SCARA5: variants seen among roughly 807,000 people sequenced by gnomAD.
SCARA5 encodes the protein scavenger receptor class A member 5, also known as scavenger receptor class A, member 5 (putative).
A neutral mutation model predicts 46.3 loss-of-function variants in SCARA5; 45 were observed. The ratio of observed to expected loss-of-function variants is 0.97; its 90% CI spans 0.76 to 1.24. The LOEUF (loss-of-function observed/expected upper bound fraction) is 1.24. Ranked by LOEUF, SCARA5 falls within the 50% of genes most tolerant of loss-of-function variation. The pLI, the probability that SCARA5 is intolerant of heterozygous loss-of-function variation, is 0.00. For synonymous variants in SCARA5, 333 were observed against 306.5 expected (o/e 1.09, Z -0.90); for missense variants, 680 against 689.0 (o/e 0.99, Z 0.15).
chr8:27,984,157 G>A (rs921588935), intron 2 of SCARA5, among the ~76,000 whole-genome samples: 3 of 151,950 alleles, frequency 2.0e-5, no homozygotes, highest in Non-Finnish European at 4.4e-5. Context: ...ACTCCGCAGA[G>A]ATAAGGATCA....
chr8:27,902,379 C>G (rs1411476659), intron 7 of SCARA5, among the ~76,000 whole-genome samples: 1 of 152,178 alleles, frequency 6.6e-6, no homozygotes, highest in Non-Finnish European at 1.5e-5. Context: ...TCTCACCTCC[C>G]TGCACCGTAG....
Position 27,979,555 on chromosome 8 carries a change from CT to C in SCARA5, c.112+7948del, listed in dbSNP as rs1316560887. Among the ~76,000 whole-genome samples, 604 of 140,616 alleles carry C rather than the reference CT, an allele frequency of 4.3e-3. 1 individual carries two copies. Among genetic ancestry groups the C allele is most frequent in the Middle Eastern group, 0.022 (6 of 272 alleles). 92.2% of individuals were successfully genotyped at this position (140,616 alleles called of 152,430 possible). A position where few individuals can be genotyped will look rare whatever the true frequency, so the allele number is the denominator to read the frequency against. ...CTGTTCAACTGCAGAGCCTGCCTGA[CT>C]TTTTTTTTTTTTTTTGAGACGGAGT... is the stretch of plus-strand genomic sequence containing the variant. On this transcript the variant is annotated intron_variant, in intron 2 of 8. Coordinates refer to ENST00000354914, the MANE Select transcript of SCARA5 (RefSeq NM_173833.6).
intron 8 of SCARA5, among the ~76,000 whole-genome samples, chr8:27,872,895 C>T (rs957277602): frequency 2.0e-5 from 3 of 152,128 alleles, no homozygotes; most frequent in Non-Finnish European, 4.4e-5. Flanking sequence ...CATCCAGTCA[C>T]GGGAGGACCA....
chr8:27,891,195 G>GTT (rs1262393826), intron 7 of SCARA5, among the ~76,000 whole-genome samples: 1 of 73,248 alleles, frequency 1.4e-5, no homozygotes. Context: ...ACTACAATAG[G>GTT]TTTGTTTTTT....
intron 3 of SCARA5, among the ~76,000 whole-genome samples, chr8:27,943,461 A>G (rs1236797041): frequency 1.3e-5 from 2 of 152,176 alleles, no homozygotes; most frequent in Non-Finnish European, 2.9e-5. Context: ...TTTATTGCCA[A>G]AGTCATTCTT....
At chr8:27,938,923 A>G (rs1478364916) in intron 3 of SCARA5, among the ~76,000 whole-genome samples, 1 of 152,200 alleles carries the variant, frequency 6.6e-6, no homozygotes, top group African/African-American at 2.4e-5. Context: ...CTTTATGAAG[A>G]AAAAACATGA....
chr8:27,902,227 C>T (rs889927086), intron 7 of SCARA5, among the ~76,000 whole-genome samples: 3 of 152,142 alleles, frequency 2.0e-5, no homozygotes, highest in Admixed American at 2.0e-4. Flanking sequence ...AAGAAAGCCT[C>T]AGTCCCTGAG....
chr8:27,962,783 G>C (rs983444906), intron 3 of SCARA5, among the ~76,000 whole-genome samples: 7 of 152,206 alleles, frequency 4.6e-5, no homozygotes, highest in Non-Finnish European at 1.0e-4. Flanking sequence ...GCCCGACAAT[G>C]GGTGTATGTA....
chr8:27,971,375 T>TGAA (rs1808445283), intron 2 of SCARA5, among the ~76,000 whole-genome samples: 1 of 152,218 alleles, frequency 6.6e-6, no homozygotes, highest in African/African-American at 2.4e-5. Context: ...CTCTGTTCTC[T>TGAA]TTGTCTTCAC....
chr8:27,986,847 C>G (rs868553003), intron 2 of SCARA5, among the ~76,000 whole-genome samples: 1 of 152,208 alleles, frequency 6.6e-6, no homozygotes. Context: ...GGGCAATGCT[C>G]TCCTCTCTGA....
intron 3 of SCARA5, among the ~76,000 whole-genome samples, chr8:27,960,879 G>A (rs1269193033): frequency 6.6e-6 from 1 of 152,140 alleles, no homozygotes; most frequent in Admixed American, 6.5e-5. Context: ...ACAAATTTAA[G>A]TATTATCTCA....
Position 27,921,575 on chromosome 8 carries a change from C to T in SCARA5, c.912G>A (p.Ala304=), listed in dbSNP as rs1316774379. Residue 304 remains alanine (A), a synonymous_variant, in exon 4 of 9, where the codon GCG becomes GCA. Coordinates refer to ENST00000354914, the MANE Select transcript of SCARA5 (RefSeq NM_173833.6). ...HSIALRNISL[A]KGPPGPKGDQ... is the part of the protein sequence containing the mutation. ...GCAGCAAGGGCCTGGCGGTACCTTT[C>T]GCGAGGGAGATGTTCCGCAGTGCGA... 6.5e-6 allele frequency: 10 copies of T among 1,546,974 alleles called. No individual in the cohort carries two copies. The highest frequency in any genetic ancestry group is 2.5e-5 in the South Asian group (2 of 80,938).
At position 27,882,863 on chromosome 8, in the gene SCARA5, G is replaced by T. The variant is rs1000496945; in HGVS notation, c.1154-3097C>A. ...AATGAAACATGGTAATAGATGTGAAGAACTCAGAATAGCACCTGGCACATA... is the reference window on the plus strand; with the variant it reads ...AATGAAACATGGTAATAGATGTGAATAACTCAGAATAGCACCTGGCACATA... On this transcript the variant is annotated intron_variant, in intron 7 of 8. Coordinates refer to ENST00000354914, the MANE Select transcript of SCARA5 (RefSeq NM_173833.6). Among the ~76,000 whole-genome samples the T allele has an allele frequency of 5.3e-5, 8 of 152,198 alleles. No individual in the cohort carries two copies. In the East Asian group the frequency reaches 1.5e-3, roughly 29 times the overall value.
At chr8:27,981,067 T>C (rs1808606706) in intron 2 of SCARA5, among the ~76,000 whole-genome samples, 1 of 152,040 alleles carries the variant, frequency 6.6e-6, no homozygotes, top group African/African-American at 2.4e-5. Flanking sequence ...GGGAGGGAAA[T>C]AAATGTGGAT....
chr8:27,912,528 C>G (rs6558028), intron 4 of SCARA5, among the ~76,000 whole-genome samples: 9 of 151,922 alleles, frequency 5.9e-5, no homozygotes, highest in Admixed American at 2.0e-4. Flanking sequence ...AAACGAAGGG[C>G]GGAGTCAGGA....
intron 7 of SCARA5, among the ~76,000 whole-genome samples, chr8:27,882,327 G>T (rs1261635602): frequency 6.6e-6 from 1 of 152,116 alleles, no homozygotes; most frequent in Non-Finnish European, 1.5e-5. Context: ...CAAAGTTTTT[G>T]CCTGGATGAA....
At chr8:27,936,055 C>G (rs921488742) in intron 3 of SCARA5, among the ~76,000 whole-genome samples, 4 of 152,152 alleles carry the variant, frequency 2.6e-5, no homozygotes, top group Admixed American at 2.0e-4. Flanking sequence ...GCCCCGCCAG[C>G]CCCTGCCCAG....
chr8:27,909,714 C>G lies in SCARA5; in HGVS notation c.946G>C (p.Asp316His), dbSNP rs17058207. The G allele has an allele frequency of 0.12, 178,583 of 1,548,834 alleles. 12,270 individuals carry two copies. The highest frequency in any genetic ancestry group is 0.32 in the East Asian group (12,801 of 40,618). The change falls in exon 5 of 9, where the codon GAT becomes CAT. Residue 316 changes from aspartate to histidine, a missense_variant. Around this residue, in one of 3 missense-constraint regions of SCARA5, gnomAD observed 219 missense variants for 269.5 expected, o/e 0.81. Transcript: ENST00000354914. ...GPPGPKGDQG[D>H]EGKEGRPGIP... ...CCAGGCCTGCCTTCCTTTCCTTCAT[C>G]CCCCTGATCACCTTTGGGTCCCGGT... is the stretch of plus-strand genomic sequence containing the variant.
At chr8:27,990,359 G>C (rs546159194) in intron 1 of SCARA5, among the ~76,000 whole-genome samples, 39 of 152,254 alleles carry the variant, frequency 2.6e-4, no homozygotes, top group African/African-American at 8.9e-4. Flanking sequence ...TTTCTTTCTT[G>C]GGGGAGGAAG....
Sources: allele counts gnomAD v4.1 joint callset (sites outside exome capture counted in the v4.1 genomes callset), GRCh38; gene constraint gnomAD v4.1.1; regional missense constraint gnomAD v4.1.1; transcripts MANE v1.5; gene names NCBI Gene and HGNC (gene_info 2026-07-23, HGNC 2026-07-21).